The following SMYD2 variants were observed in gnomAD, a reference collection of about 807,000 sequenced individuals.
SMYD2 encodes SET and MYND domain containing 2, also known as N-lysine methyltransferase SMYD2.
SMYD2 carries 53 observed loss-of-function variants against 59.1 expected under a neutral mutation model. That is an observed-to-expected ratio of 0.90 (90% CI 0.72 to 1.13). The LOEUF is 1.13. Among genes scored for constraint, SMYD2 ranks in the 50% most tolerant of loss-of-function variants. The pLI is 0.00. For synonymous variants in SMYD2, 208 were observed against 198.8 expected, an observed-to-expected ratio of 1.05 and a Z score of -0.39; for missense variants, 494 against 544.7, an observed-to-expected ratio of 0.91 and a Z score of 0.93.
chr1:214,321,013 CAT>C (rs1657164560), intron 5 of SMYD2, among the ~76,000 whole-genome samples: 1 of 152,166 alleles, frequency 6.6e-6, no homozygotes, highest in Admixed American at 6.5e-5. Context: ...ATGAAATAAA[CAT>C]AAAGTATCTA....
At chr1:214,314,680 G>C (rs1246366885) in intron 2 of SMYD2, 82 bp from the exon 3 acceptor site, 1 of 969,562 alleles carries the variant, frequency 1.0e-6, no homozygotes, top group Non-Finnish European at 1.6e-6. Context: ...CTTAACTAGG[G>C]GGACTCACTG....
At chr1:214,319,132 C>T in intron 5 of SMYD2, 149 bp downstream of exon 5, 1 of 1,057,996 alleles carries the variant, frequency 9.5e-7, no homozygotes, top group South Asian at 1.6e-5. Flanking sequence ...CGTGTGTTGC[C>T]ATAGCCTTGC....
chr1:214,288,803 T>C (rs1656590536), intron 1 of SMYD2, among the ~76,000 whole-genome samples: 1 of 152,202 alleles, frequency 6.6e-6, no homozygotes. Context: ...AACATGAGGC[T>C]TTGGTCCTTT....
intron 1 of SMYD2, 71 bp from the exon 2 acceptor site, chr1:214,305,116 G>A (rs6540819): frequency 0.47 from 676,330 of 1,437,324 alleles, 163,460 homozygotes; most frequent in African/African-American, 0.68. Flanking sequence ...GGCTTTTGTT[G>A]TTGCATGATA....
intron 1 of SMYD2, among the ~76,000 whole-genome samples, chr1:214,297,058 G>A (rs111797320): frequency 1.3e-5 from 2 of 152,174 alleles, no homozygotes; most frequent in African/African-American, 4.8e-5. Context: ...TGCTTCAACT[G>A]TATACAGCAA....
At chr1:214,323,020 G>A (rs1191265247) in intron 5 of SMYD2, among the ~76,000 whole-genome samples, 2 of 152,158 alleles carry the variant, frequency 1.3e-5, no homozygotes, top group African/African-American at 2.4e-5. Flanking sequence ...AGTGCCTCAC[G>A]GACAGAGACT....
intron 1 of SMYD2, among the ~76,000 whole-genome samples, chr1:214,304,820 A>G (rs534809769): frequency 2.6e-5 from 4 of 152,312 alleles, no homozygotes; most frequent in Non-Finnish European, 5.9e-5. Flanking sequence ...AAATCGGGAC[A>G]TAAGAACTTG....
In SMYD2 at chr1:214,334,739, A is replaced by T. The variant is rs140675064; in HGVS notation, c.1221+431A>T. Reference sequence around the variant, plus strand: ...TAATCATCCTCTCAGTTCATTGAGGACCAGTTACATACCAAGACCCTCGTG... The same window carrying T: ...TAATCATCCTCTCAGTTCATTGAGGTCCAGTTACATACCAAGACCCTCGTG... On this transcript the variant is annotated intron_variant, in intron 11 of 11. Coordinates refer to ENST00000366957, the MANE Select transcript of SMYD2 (RefSeq NM_020197.3). 2.7e-3 allele frequency among the ~76,000 whole-genome samples: 404 copies of T among 152,346 alleles called. 3 individuals are homozygous for T. In the East Asian group the frequency reaches 0.034, roughly 13 times the overall value.
intron 2 of SMYD2, among the ~76,000 whole-genome samples, chr1:214,306,593 G>A (rs1022553906): frequency 6.6e-6 from 1 of 152,202 alleles, no homozygotes; most frequent in Non-Finnish European, 1.5e-5. Flanking sequence ...TTCTTTTGAA[G>A]AGGAAAGATC....
intron 10 of SMYD2, chr1:214,333,358 G>A (rs540235700): frequency 9.8e-5 from 15 of 152,316 alleles, no homozygotes; most frequent in South Asian, 4.1e-4. Context: ...AGCCCCTCCC[G>A]GAAGCCCAGC....
chr1:214,288,226 C>G (rs1202914829), intron 1 of SMYD2, among the ~76,000 whole-genome samples: 1 of 152,162 alleles, frequency 6.6e-6, no homozygotes, highest in Non-Finnish European at 1.5e-5. Flanking sequence ...CTCTTTGCAG[C>G]CCATAAAGCA....
intron 5 of SMYD2, among the ~76,000 whole-genome samples, chr1:214,319,735 C>T (rs1476882324): frequency 6.6e-6 from 1 of 152,208 alleles, no homozygotes; most frequent in African/African-American, 2.4e-5. Flanking sequence ...GATTGGATTT[C>T]TCTCTCATAT....
At chr1:214,321,410 T>C (rs1466258672) in intron 5 of SMYD2, among the ~76,000 whole-genome samples, 1 of 150,592 alleles carries the variant, frequency 6.6e-6, no homozygotes, top group Non-Finnish European at 1.5e-5. Flanking sequence ...CACACACATA[T>C]AATTTTTTCA....
chr1:214,291,026 C>T (rs1307229959), intron 1 of SMYD2, among the ~76,000 whole-genome samples: 5 of 152,166 alleles, frequency 3.3e-5, no homozygotes, highest in African/African-American at 7.2e-5. Context: ...GCTCTTAAAA[C>T]CTCACCAATA....
At chr1:214,299,306 G>A (rs528393591) in intron 1 of SMYD2, among the ~76,000 whole-genome samples, 46 of 152,154 alleles carry the variant, frequency 3.0e-4, no homozygotes, top group African/African-American at 9.6e-4. Flanking sequence ...ACTACCATTC[G>A]ACCCAGCAAT....
chr1:214,336,860 C>T lies in SMYD2; in HGVS notation c.*76C>T. On this transcript the variant is annotated 3_prime_UTR_variant, in exon 12 of 12. Transcript: ENST00000366957. ...AAGGATTTGAATATTTCAAATTGCA[C>T]ACGTCACTCCAGCATCTCTGTAAAA... 1 of 1,235,632 alleles carries T rather than the reference C, an allele frequency of 8.1e-7. No individual in the cohort carries two copies. The highest frequency in any genetic ancestry group is 1.2e-6 in the Non-Finnish European group (1 of 867,848). The allele number at this position is 1,235,632 out of a possible 1,614,324, so 76.5% of individuals were successfully genotyped here. A position where few individuals can be genotyped will look rare whatever the true frequency, so the allele number is the denominator to read the frequency against.
At chr1:214,289,112 A>G (rs1044547545) in intron 1 of SMYD2, among the ~76,000 whole-genome samples, 7 of 152,118 alleles carry the variant, frequency 4.6e-5, no homozygotes, top group African/African-American at 1.4e-4. Flanking sequence ...GTTCTTGTAA[A>G]AATATGTTAA....
intron 5 of SMYD2, among the ~76,000 whole-genome samples, chr1:214,320,336 C>T (rs1457735061): frequency 6.6e-6 from 1 of 152,166 alleles, no homozygotes; most frequent in Admixed American, 6.5e-5. Flanking sequence ...CAGTTGTCTT[C>T]CGAGTTGTGG....
At chr1:214,320,984 T>C (rs1278563538) in intron 5 of SMYD2, among the ~76,000 whole-genome samples, 1 of 152,240 alleles carries the variant, frequency 6.6e-6, no homozygotes, top group African/African-American at 2.4e-5. Flanking sequence ...GATTAGTTTA[T>C]ATATGAGAAA....
Sources: gnomAD v4.1 joint callset for allele counts (sites outside exome capture counted in the v4.1 genomes callset) on GRCh38, gnomAD v4.1.1 for gene constraint, MANE v1.5 for transcripts, NCBI Gene and HGNC (gene_info 2026-07-23, HGNC 2026-07-21) for gene names.